COL4A4: variants seen among roughly 807,000 people sequenced by gnomAD.
The protein encoded by COL4A4 is collagen type IV alpha 4 chain, also known as collagen alpha-4(IV) chain.
COL4A4 carries 105 observed loss-of-function variants against 192.9 expected under a neutral mutation model. That is an observed-to-expected ratio of 0.54 (90% CI 0.46 to 0.64). COL4A4 has a LOEUF of 0.64. Ranked by LOEUF, COL4A4 falls within the 30% of genes least tolerant of loss-of-function variation. The pLI is 0.00. For synonymous variants in COL4A4, 762 were observed against 769.9 expected (o/e 0.99, Z 0.17); for missense variants, 1,967 against 2,169.3 (o/e 0.91, Z 1.85).
chr2:227,119,929 C>T lies in COL4A4; in HGVS notation c.338G>A (p.Gly113Asp), dbSNP rs766085522. The T allele has an allele frequency of 2.8e-5, 45 of 1,578,968 alleles. No individual in the cohort carries two copies. In the African/African-American group the frequency reaches 4.9e-4, roughly 17 times the overall value. The change falls in exon 6 of 48, where the codon GGT (glycine) becomes GAT (aspartate). Residue 113 changes from glycine (G) to aspartate (D), a missense_variant. Physicochemically the swap from Gly to Asp is moderately conservative, Grantham distance 94. Transcript: ENST00000396625. ...ATCTAAACCTGGAAATCCAGGAACA[C>T]CAGTTGGACCCTAAAATCCCAGAAA... is the stretch of plus-strand genomic sequence containing the variant. ...AGDKGDKGPT[G>D]VPGFPGLDGI...
intron 1 of COL4A4, among the ~76,000 whole-genome samples, chr2:227,163,275 G>C (rs191877021): frequency 6.6e-6 from 1 of 152,228 alleles, no homozygotes; most frequent in African/African-American, 2.4e-5. Flanking sequence ...GCACCCACCG[G>C]TATTTTCATG....
chr2:227,035,323 A>G (rs1969397272), intron 37 of COL4A4, among the ~76,000 whole-genome samples: 1 of 152,194 alleles, frequency 6.6e-6, no homozygotes, highest in South Asian at 2.1e-4. Flanking sequence ...TAATTTACAG[A>G]AGTTAGAGGT....
intron 47 of COL4A4, 145 bp downstream of exon 47, chr2:227,007,873 A>G (rs949705055): frequency 2.6e-5 from 26 of 1,014,660 alleles, no homozygotes; most frequent in African/African-American, 2.2e-4. Flanking sequence ...CTGCATCCCA[A>G]CAGGCTATGG....
At chr2:227,125,993 C>A (rs1489420122) in intron 4 of COL4A4, among the ~76,000 whole-genome samples, 1 of 152,126 alleles carries the variant, frequency 6.6e-6, no homozygotes, top group East Asian at 1.9e-4. Context: ...CACTTCTACC[C>A]CAAGGCAAGA....
At chr2:227,019,098 A>G (rs532673872) in intron 44 of COL4A4, among the ~76,000 whole-genome samples, 89 of 152,222 alleles carry the variant, frequency 5.8e-4, no homozygotes, top group African/African-American at 2.0e-3. Flanking sequence ...GTGCATTTCA[A>G]CCTTGGCTGC....
chr2:227,159,277 CA>C (rs2064614748), intron 1 of COL4A4, among the ~76,000 whole-genome samples: 1 of 152,092 alleles, frequency 6.6e-6, no homozygotes. Flanking sequence ...ATGAAGTCTA[CA>C]GTGACAGAAA....
intron 37 of COL4A4, among the ~76,000 whole-genome samples, chr2:227,034,700 A>G (rs1308706847): frequency 2.2e-4 from 32 of 145,312 alleles, no homozygotes; most frequent in Non-Finnish European, 3.9e-4. Context: ...ATATCTCCCA[A>G]TGCTATCCCT....
intron 22 of COL4A4, 116 bp from the exon 23 acceptor site, chr2:227,082,303 T>A (rs1302041540): frequency 5.1e-6 from 5 of 976,444 alleles, no homozygotes; most frequent in Non-Finnish European, 8.2e-6. Context: ...AGATTCTAGC[T>A]TGGCATTCTT....
chr2:227,058,865 G>C (rs948229211), intron 28 of COL4A4, among the ~76,000 whole-genome samples: 7 of 152,094 alleles, frequency 4.6e-5, no homozygotes, highest in African/African-American at 1.4e-4. Flanking sequence ...TTTCAGAAAA[G>C]GATATGAATC....
At chr2:227,164,481 G>A, upstream of COL4A4, 1 of 577,528 alleles carries the variant, frequency 1.7e-6, no homozygotes, top group Non-Finnish European at 3.0e-6. The surrounding 1 kb of genome is among the most constrained non-coding windows in gnomAD (Gnocchi z 4.8). Flanking sequence ...GACACTGCCT[G>A]GTAAGTTGGG....
At chr2:226,973,018 G>T in the COL4A4 span, among the ~76,000 whole-genome samples, 6 of 152,044 alleles carry the variant, frequency 3.9e-5, no homozygotes, top group South Asian at 4.2e-4. Context: ...GGTAGGCCTG[G>T]ACTTCAAAGT....
chr2:227,089,611 A>ATATATATATATATATATATATATG lies in COL4A4; in HGVS notation c.1459+256_1459+257insCATATATATATATATATATATATA, dbSNP rs1491267361. On this transcript the variant is annotated intron_variant, in intron 21 of 47. Transcript: ENST00000396625. ...TCCATATATATATATATATATATACATACATATATATAAATATATAAGACA... is the reference window on the plus strand; with the variant it reads ...TCCATATATATATATATATATATACATATATATATATATATATATATATGTACATATATATAAATATATAAGACA... Among the ~76,000 whole-genome samples, 44 of 119,608 alleles carry ATATATATATATATATATATATATG rather than the reference A, an allele frequency of 3.7e-4. 1 individual carries two copies. Among genetic ancestry groups the ATATATATATATATATATATATATG allele is most frequent in the African/African-American group, 1.8e-3 (42 of 23,454 alleles). The allele number at this position is 119,608 out of a possible 152,430, so 78.5% of individuals were successfully genotyped here.
Position 227,123,073 on chromosome 2 carries a change from C to T in COL4A4, c.193-1925G>A, listed in dbSNP as rs191885715. Among the ~76,000 whole-genome samples, 113 of 152,154 alleles carry T rather than the reference C, an allele frequency of 7.4e-4. 2 individuals carry two copies. The Middle Eastern group carries it at 0.02, about 27-fold the overall frequency. On this transcript the variant is annotated intron_variant, in intron 4 of 47. Transcript: ENST00000396625. This position sits in a 1 kb window ranked among gnomAD's most constrained non-coding sequence, Gnocchi z 4.6. ...AGAGACTGGGTTTCAGTATGTTGGCCAGGCTGGTCTCGAACTCCTGACCTC... is the reference window on the plus strand; with the variant it reads ...AGAGACTGGGTTTCAGTATGTTGGCTAGGCTGGTCTCGAACTCCTGACCTC...
At chr2:227,028,545 G>T (rs955028814) in intron 41 of COL4A4, among the ~76,000 whole-genome samples, 26 of 151,990 alleles carry the variant, frequency 1.7e-4, no homozygotes, top group African/African-American at 6.0e-4. Context: ...GTTGCTTTTT[G>T]ATAAGCTCTT....
intron 46 of COL4A4, 70 bp downstream of exon 46, chr2:227,010,243 G>T: frequency 1.3e-6 from 2 of 1,495,236 alleles, no homozygotes; most frequent in Non-Finnish European, 1.9e-6. Context: ...TTAAGGTGCT[G>T]ATGAATCAGT....
chr2:227,157,786 C>A (rs981116892), intron 1 of COL4A4, among the ~76,000 whole-genome samples: 4 of 151,924 alleles, frequency 2.6e-5, no homozygotes, highest in Admixed American at 6.6e-5. Flanking sequence ...CCAAAGAAAA[C>A]TTCAGGGCTA....
chr2:227,131,425 G>A (rs191299459), intron 4 of COL4A4, among the ~76,000 whole-genome samples: 22 of 152,208 alleles, frequency 1.4e-4, no homozygotes, highest in African/African-American at 5.3e-4. Context: ...AAAGTGCTGG[G>A]ATTACAGGCA....
intron 4 of COL4A4, among the ~76,000 whole-genome samples, chr2:227,129,927 T>C (rs927647157): frequency 6.6e-6 from 1 of 152,206 alleles, no homozygotes; most frequent in African/African-American, 2.4e-5. Context: ...TTATCATTCC[T>C]TTCTTTTCTA....
the COL4A4 span, among the ~76,000 whole-genome samples, chr2:226,968,361 G>T: frequency 6.6e-6 from 1 of 152,328 alleles, no homozygotes; most frequent in Non-Finnish European, 1.5e-5. Context: ...GGAAGGGTGA[G>T]CAGGAACTCT....
Sources: gnomAD v4.1 joint callset for allele counts (sites outside exome capture counted in the v4.1 genomes callset) on GRCh38, gnomAD v4.1.1 for gene constraint, Gnocchi (gnomAD v3.1) non-coding constraint, MANE v1.5 for transcripts, NCBI Gene and HGNC (gene_info 2026-07-23, HGNC 2026-07-21) for gene names.